EML1: variants seen among roughly 807,000 people sequenced by gnomAD.
EML1 encodes EMAP like 1, also known as echinoderm microtubule-associated protein-like 1.
Under a neutral mutation model 110.4 loss-of-function variants are expected in EML1, and 27 were observed. The observed-to-expected ratio is 0.24, with a 90% confidence interval of 0.18 to 0.34. The LOEUF (loss-of-function observed/expected upper bound fraction) is 0.34, where lower values mean the gene tolerates loss of function less well. Among genes scored for constraint, EML1 ranks in the 10% least tolerant of loss-of-function variants. The pLI is 1.00. For missense variants in EML1, 741 were observed against 1,030.9 expected (o/e 0.72, Z 3.85); for synonymous variants, 344 against 385.8 (o/e 0.89, Z 1.27).
intron 17 of EML1, among the ~76,000 whole-genome samples, chr14:99,923,958 C>T (rs7151546): frequency 0.014 from 2,118 of 152,208 alleles, 50 homozygotes; most frequent in African/African-American, 0.048. Flanking sequence ...TAGGCCAGCT[C>T]GTCAATTTCT....
At chr14:99,802,222 G>A (rs1371048483) in intron 1 of EML1, among the ~76,000 whole-genome samples, 2 of 152,106 alleles carry the variant, frequency 1.3e-5, no homozygotes, top group Admixed American at 6.5e-5. Flanking sequence ...GTTGCCTGTG[G>A]TGAAAGGGAA....
At chr14:99,897,381 C>A in intron 7 of EML1, 87 bp downstream of exon 7, 1 of 1,331,596 alleles carries the variant, frequency 7.5e-7, no homozygotes, top group Non-Finnish European at 1.0e-6. Flanking sequence ...CCATCCTGGG[C>A]AACAGTGAAA....
In EML1 at chr14:99,738,537, G is replaced by A. The variant is rs985673591; in HGVS notation, c.28+677G>A. Among the ~76,000 whole-genome samples the A allele has an allele frequency of 5.9e-5, 9 of 152,284 alleles. No individual in the cohort carries two copies. The South Asian group carries it at 8.3e-4, about 14-fold the overall frequency. On this transcript the variant is annotated intron_variant, in intron 1 of 10. Transcript: ENST00000554479. ...CCTTGGCGGAATGGGGGCTGGGGAC[G>A]GCCAAATCCAGGGGGACTCTGGAGT...
intron 10 of EML1, among the ~76,000 whole-genome samples, chr14:99,909,047 A>G (rs1475334628): frequency 6.6e-6 from 1 of 152,190 alleles, no homozygotes; most frequent in East Asian, 1.9e-4. Context: ...AGCATGCTGC[A>G]TGCCCACCCC....
At chr14:99,928,489 A>AT (rs1452203403) in intron 17 of EML1, among the ~76,000 whole-genome samples, 3 of 152,004 alleles carry the variant, frequency 2.0e-5, no homozygotes, top group Admixed American at 1.3e-4. Context: ...GGAGATCACA[A>AT]TATGGGTGTT....
intron 17 of EML1, among the ~76,000 whole-genome samples, chr14:99,925,149 T>C (rs1311038581): frequency 6.6e-6 from 1 of 152,238 alleles, no homozygotes; most frequent in African/African-American, 2.4e-5. Flanking sequence ...AAGTTGGTGT[T>C]ATATTAAATA....
chr14:99,822,080 C>T (rs747408319), intron 1 of EML1, among the ~76,000 whole-genome samples: 9 of 152,196 alleles, frequency 5.9e-5, no homozygotes, highest in Non-Finnish European at 1.0e-4. Context: ...GGAACAAAGG[C>T]ATTTTGCAGC....
At position 99,920,859 on chromosome 14, in the gene EML1, G is replaced by C. The variant is rs200744722; in HGVS notation, c.1891G>C (p.Val631Leu). The change falls in exon 17 of 22, where the codon GTA becomes CTA. Residue 631 changes from valine (V) to leucine (L), a missense_variant. By Grantham distance (32) the Val-to-Leu change is conservative. Transcript: ENST00000262233. Reference protein sequence around the residue: ...VHTDGNEQLSVMRYSPDGNFL... With the variant: ...VHTDGNEQLSLMRYSPDGNFL... ...CACAGATGGAAACGAACAGCTCTCT[G>C]TAATGCGATACTCACCAGGTTAGAC... 6 of 1,613,642 alleles carry C rather than the reference G, an allele frequency of 3.7e-6. No individual in the cohort carries two copies. Among genetic ancestry groups the C allele is most frequent in the African/African-American group, 1.3e-5 (1 of 75,006 alleles).
chr14:99,852,631 C>T (rs2058831205), intron 2 of EML1, among the ~76,000 whole-genome samples: 1 of 152,142 alleles, frequency 6.6e-6, no homozygotes, highest in South Asian at 2.1e-4. Context: ...AAAGGAATAC[C>T]TTTCATTGTT....
chr14:99,764,064 G>T (rs914482077), intron 1 of EML1, among the ~76,000 whole-genome samples: 3 of 152,198 alleles, frequency 2.0e-5, no homozygotes, highest in African/African-American at 7.2e-5. Context: ...AGGCTGAGGA[G>T]CCCTGGTACC....
At chr14:99,888,605 G>A (rs1318755274) in intron 4 of EML1, among the ~76,000 whole-genome samples, 2 of 152,120 alleles carry the variant, frequency 1.3e-5, no homozygotes, top group Non-Finnish European at 2.9e-5. Context: ...TTCTGCTTCT[G>A]CTTAGCACAC....
chr14:99,756,770 G>A (rs2057260382), intron 1 of EML1, among the ~76,000 whole-genome samples: 1 of 152,100 alleles, frequency 6.6e-6, no homozygotes, highest in South Asian at 2.1e-4. Context: ...CGTGCCCCCA[G>A]CGTTTGAAGT....
At chr14:99,798,798 T>G (rs1256746767) in intron 1 of EML1, among the ~76,000 whole-genome samples, 1 of 152,212 alleles carries the variant, frequency 6.6e-6, no homozygotes, top group Admixed American at 6.5e-5. Context: ...ACTTTACATG[T>G]ACTATGGCTA....
At chr14:99,924,907 A>G (rs1239081924) in intron 17 of EML1, among the ~76,000 whole-genome samples, 1 of 152,176 alleles carries the variant, frequency 6.6e-6, no homozygotes, top group Non-Finnish European at 1.5e-5. Flanking sequence ...CAGATGTTGA[A>G]CCAACTTCAC....
intron 1 of EML1, among the ~76,000 whole-genome samples, chr14:99,849,013 A>C (rs2058748062): frequency 6.6e-6 from 1 of 152,140 alleles, no homozygotes; most frequent in Non-Finnish European, 1.5e-5. Flanking sequence ...TAAAAGGAAA[A>C]AGGAAAAAAA....
chr14:99,917,662 C>A, intron 15 of EML1, 120 bp from the exon 16 acceptor site: 3 of 877,206 alleles, frequency 3.4e-6, no homozygotes, highest in African/African-American at 1.7e-5. Flanking sequence ...CAAATAGAGC[C>A]ATATAGCCCT....
chr14:99,924,944 A>G (rs2060206952), intron 17 of EML1, among the ~76,000 whole-genome samples: 1 of 152,176 alleles, frequency 6.6e-6, no homozygotes, highest in South Asian at 2.1e-4. Flanking sequence ...CCCCTTAATC[A>G]TGGTGTATAA....
intron 1 of EML1, among the ~76,000 whole-genome samples, chr14:99,757,264 G>T (rs916260728): frequency 6.6e-6 from 1 of 152,046 alleles, no homozygotes; most frequent in Non-Finnish European, 1.5e-5. Flanking sequence ...ACTTGAACCC[G>T]GGAGGTGGAG....
intron 2 of EML1, among the ~76,000 whole-genome samples, chr14:99,863,713 T>G (rs2059042695): frequency 6.6e-6 from 1 of 152,228 alleles, no homozygotes; most frequent in East Asian, 1.9e-4. Context: ...GATGGGTCAG[T>G]TTGTTTATCT....
Sources: gnomAD v4.1 joint callset for allele counts (sites outside exome capture counted in the v4.1 genomes callset) on GRCh38, gnomAD v4.1.1 for gene constraint, MANE v1.5 for transcripts, NCBI Gene and HGNC (gene_info 2026-07-23, HGNC 2026-07-21) for gene names.